Variants in MAGI1 observed in about 807,000 individuals in gnomAD.
MAGI1 encodes the protein membrane-associated guanylate kinase, WW and PDZ domain-containing protein 1.
MAGI1 carries 58 observed loss-of-function variants against 139.9 expected under a neutral mutation model. The observed-to-expected ratio is 0.41, with a 90% CI of 0.34 to 0.52. The LOEUF is 0.52. Ranked by LOEUF, MAGI1 falls within the 20% of genes least tolerant of loss-of-function variation. The probability of loss-of-function intolerance (pLI) is 0.12; values close to 1 mark genes in which losing one functional copy is unlikely to be tolerated. For synonymous variants in MAGI1, 812 were observed against 737.9 expected (o/e 1.10, Z -1.63); for missense variants, 1,874 against 1,901.6 (o/e 0.99, Z 0.27).
chr3:65,660,496 T>C (rs1262383076), intron 1 of MAGI1, among the ~76,000 whole-genome samples: 1 of 152,218 alleles, frequency 6.6e-6, no homozygotes, highest in African/African-American at 2.4e-5. Context: ...TGATTAGTCT[T>C]CTACAGGGAG....
chr3:65,529,236 T>C (rs77261174), intron 2 of MAGI1, among the ~76,000 whole-genome samples: 5,866 of 152,230 alleles, frequency 0.039, 362 homozygotes, highest in African/African-American at 0.13. Context: ...AAAGTCATCA[T>C]TTGAGCAATT....
chr3:65,638,585 C>T (rs1011109621), intron 1 of MAGI1, among the ~76,000 whole-genome samples: 2 of 144,132 alleles, frequency 1.4e-5, no homozygotes, highest in South Asian at 2.2e-4. Flanking sequence ...AGTGCGCCAC[C>T]ATGCTCTCCT....
intron 1 of MAGI1, among the ~76,000 whole-genome samples, chr3:65,855,632 G>GGA (rs201487729): frequency 8.7e-6 from 1 of 115,560 alleles, no homozygotes; most frequent in African/African-American, 3.7e-5. Flanking sequence ...AGAGGGGAGG[G>GGA]GAAGGGAGAA....
chr3:65,957,393 T>C (rs1040089601), intron 1 of MAGI1, among the ~76,000 whole-genome samples: 9 of 148,790 alleles, frequency 6.0e-5, no homozygotes, highest in African/African-American at 2.2e-4. Context: ...TGGTGGCACA[T>C]GCCTGTAGTC....
At position 65,692,806 on chromosome 3, in the gene MAGI1, C is replaced by T. The variant is rs1196606632; in HGVS notation, c.314-70718G>A. On this transcript the variant is annotated intron_variant, in intron 1 of 22. Transcript: ENST00000402939. The stretch of plus-strand genomic sequence containing the variant: ...GGCTGTCTCTTGTGAGCCCCCTTGC[C>T]ATGTTATGTCCCGAGCCACCTTGGG... Among the ~76,000 whole-genome samples the T allele has an allele frequency of 2.6e-5, 4 of 152,118 alleles. No individual in the cohort carries two copies. The East Asian group carries it at 7.7e-4, about 29-fold the overall frequency.
chr3:65,738,271 T>C (rs1421955455), intron 1 of MAGI1, among the ~76,000 whole-genome samples: 2 of 152,212 alleles, frequency 1.3e-5, no homozygotes, highest in Middle Eastern at 3.2e-3. Context: ...ATTTAAACTT[T>C]TGCCATCCTC....
chr3:65,540,163 T>C (rs944606506), intron 2 of MAGI1, among the ~76,000 whole-genome samples: 5 of 152,352 alleles, frequency 3.3e-5, no homozygotes, highest in East Asian at 1.9e-4. Context: ...TTATGCTATA[T>C]GTTATGTTCA....
At chr3:65,801,323 G>A (rs1472374547) in intron 1 of MAGI1, among the ~76,000 whole-genome samples, 1 of 152,168 alleles carries the variant, frequency 6.6e-6, no homozygotes, top group African/African-American at 2.4e-5. Context: ...CCAAAGGAAA[G>A]GTCTGATGAG....
chr3:65,973,752 T>G (rs2065118804), intron 1 of MAGI1, among the ~76,000 whole-genome samples: 1 of 152,214 alleles, frequency 6.6e-6, no homozygotes, highest in South Asian at 2.1e-4. Context: ...GTACATAAAT[T>G]GCTTAGCACA....
intron 3 of MAGI1, among the ~76,000 whole-genome samples, chr3:65,491,420 T>C (rs1186143194): frequency 1.3e-5 from 2 of 152,224 alleles, no homozygotes; most frequent in South Asian, 2.1e-4. Flanking sequence ...CCAAGTTAAA[T>C]TGGAGTCTAA....
chr3:65,866,218 T>TCTA (rs10681446), intron 1 of MAGI1, among the ~76,000 whole-genome samples: 24,435 of 149,868 alleles, frequency 0.16, 2,511 homozygotes, highest in East Asian at 0.34. Flanking sequence ...TCAATTTTTT[T>TCTA]CTTTTTTTTT....
chr3:65,603,676 G>A (rs2082590601), intron 2 of MAGI1, among the ~76,000 whole-genome samples: 1 of 152,220 alleles, frequency 6.6e-6, no homozygotes, highest in African/African-American at 2.4e-5. Context: ...GAATAGCCTT[G>A]TCTTTCTTTG....
chr3:65,856,329 A>T (rs569534471), intron 1 of MAGI1, among the ~76,000 whole-genome samples: 1 of 152,214 alleles, frequency 6.6e-6, no homozygotes, highest in African/African-American at 2.4e-5. Flanking sequence ...TCTCTATACC[A>T]ATCAAATGCA....
At chr3:65,973,794 A>C (rs1357650451) in intron 1 of MAGI1, among the ~76,000 whole-genome samples, 1 of 152,234 alleles carries the variant, frequency 6.6e-6, no homozygotes, top group East Asian at 1.9e-4. Context: ...CTCTATCAAT[A>C]TTATTATTTA....
intron 18 of MAGI1, among the ~76,000 whole-genome samples, chr3:65,375,475 C>T (rs1942427056): frequency 6.6e-6 from 1 of 152,180 alleles, no homozygotes; most frequent in African/African-American, 2.4e-5. Context: ...GCGTGAGCCA[C>T]CGCACCCGGC....
chr3:65,949,242 G>C (rs2063681869), intron 1 of MAGI1, among the ~76,000 whole-genome samples: 2 of 152,164 alleles, frequency 1.3e-5, no homozygotes, highest in Admixed American at 1.3e-4. Flanking sequence ...TCCAACATTT[G>C]TGTCCCTATA....
intron 18 of MAGI1, among the ~76,000 whole-genome samples, chr3:65,371,399 C>T (rs577397980): frequency 1.3e-5 from 2 of 152,304 alleles, no homozygotes; most frequent in South Asian, 2.1e-4. Flanking sequence ...AAAAACACTA[C>T]ATACCTTAAT....
At chr3:65,693,705 T>TTTG (rs201502897) in intron 1 of MAGI1, among the ~76,000 whole-genome samples, 44 of 149,118 alleles carry the variant, frequency 3.0e-4, no homozygotes, top group African/African-American at 1.1e-3. Context: ...AACAGTTTTT[T>TTTG]TTTGTTTTTG....
chr3:65,678,965 T>C (rs1396200294), intron 1 of MAGI1, among the ~76,000 whole-genome samples: 1 of 152,192 alleles, frequency 6.6e-6, no homozygotes, highest in Admixed American at 6.5e-5. Flanking sequence ...ATCTTCCAAC[T>C]TGAATAATGG....
Sources: allele counts gnomAD v4.1 joint callset (sites outside exome capture counted in the v4.1 genomes callset), GRCh38; gene constraint gnomAD v4.1.1; transcripts MANE v1.5; gene names NCBI Gene and HGNC (gene_info 2026-07-23, HGNC 2026-07-21).